NOXRED1: variants seen among roughly 807,000 people sequenced by gnomAD.
NOXRED1 encodes the protein NADP dependent oxidoreductase domain containing 1.
Under a neutral mutation model 30.4 loss-of-function variants are expected in NOXRED1, and 20 were observed. The observed-to-expected ratio is 0.66, with a 90% confidence interval of 0.46 to 0.96. NOXRED1 has a LOEUF of 0.96. NOXRED1 is among the 40% of genes least tolerant of loss of function. NOXRED1 has a pLI of 0.00. For synonymous variants in NOXRED1, 155 were observed against 168.0 expected (o/e 0.92, Z 0.60); for missense variants, 374 against 428.0 (o/e 0.87, Z 1.11).
intron 1 of NOXRED1, among the ~76,000 whole-genome samples, chr14:77,419,842 T>C (rs1894942815): frequency 6.6e-6 from 1 of 152,254 alleles, no homozygotes; most frequent in African/African-American, 2.4e-5. Context: ...CCACCAATAG[T>C]CTTCTGGGAA....
chr14:77,405,998 A>C lies in NOXRED1; in HGVS notation c.820T>G (p.Cys274Gly), dbSNP rs761524907. 2 of 1,613,872 alleles carry C rather than the reference A, an allele frequency of 1.2e-6. No individual in the cohort carries two copies. Among genetic ancestry groups the C allele is most frequent in the East Asian group, 4.5e-5 (2 of 44,888 alleles). Residue 274 changes from cysteine (C) to glycine (G), a missense_variant, in exon 5 of 6, where the codon TGT becomes GGT. Cys to Gly is a radical substitution (Grantham distance 159). Coordinates refer to ENST00000380835, the MANE Select transcript of NOXRED1 (RefSeq NM_001113475.3). ...ELFLSVHFED[C>G]GKDTASCPKL... ...GGGCAAGATGCTGTGTCTTTCCCACAGTCTTCAAAGTGCACGGAGAGAAAG... is the reference window on the plus strand; with the variant it reads ...GGGCAAGATGCTGTGTCTTTCCCACCGTCTTCAAAGTGCACGGAGAGAAAG...
chr14:77,413,883 A>G (rs376177621), intron 2 of NOXRED1, 51 bp downstream of exon 2: 2 of 1,308,408 alleles, frequency 1.5e-6, no homozygotes, highest in African/African-American at 3.0e-5. Context: ...GGCTTTGTTG[A>G]CACCTACACA....
rs908083670 is a variant in NOXRED1, at chr14:77,406,657, T to C, written c.682+67A>G. On this transcript the variant is annotated intron_variant, in intron 4 of 5. Transcript: ENST00000380835. ...CACAGAGAGAGAGAGATTGATTTAA[T>C]AAGATAGCAATGGGCCAACAGGAAA... 9 of 1,371,462 alleles carry C rather than the reference T, an allele frequency of 6.6e-6. No homozygotes were observed. In the African/African-American group the frequency reaches 1.3e-4, roughly 20 times the overall value. 85.0% of individuals were successfully genotyped at this position (1,371,462 alleles called of 1,614,324 possible).
intron 1 of NOXRED1, among the ~76,000 whole-genome samples, chr14:77,417,417 C>T (rs1253642746): frequency 6.6e-6 from 1 of 152,158 alleles, no homozygotes; most frequent in Non-Finnish European, 1.5e-5. Flanking sequence ...TAATTGTATA[C>T]CTTCAGTTAT....
chr14:77,415,649 T>G (rs892052615), intron 1 of NOXRED1, among the ~76,000 whole-genome samples: 1 of 130,292 alleles, frequency 7.7e-6, no homozygotes, highest in Non-Finnish European at 1.7e-5. Context: ...CAGACAGACA[T>G]ATAGATATAG....
chr14:77,418,698 TG>T, intron 1 of NOXRED1, among the ~76,000 whole-genome samples: 1 of 151,450 alleles, frequency 6.6e-6, no homozygotes, highest in East Asian at 2.0e-4. Context: ...CCCAGCTAAT[TG>T]TTTTTTTTTT....
At chr14:77,418,873 G>T (rs1894906348) in intron 1 of NOXRED1, among the ~76,000 whole-genome samples, 1 of 151,922 alleles carries the variant, frequency 6.6e-6, no homozygotes, top group African/African-American at 2.4e-5. Flanking sequence ...AATGATTTAT[G>T]TGCCACCCAT....
chr14:77,407,014 A>G (rs536613712), intron 3 of NOXRED1, 139 bp from the exon 4 acceptor site: 1 of 718,960 alleles, frequency 1.4e-6, no homozygotes, highest in African/African-American at 1.8e-5. Flanking sequence ...GTCTGTGCTG[A>G]GAGCACTAAT....
In NOXRED1 at chr14:77,422,898, C is replaced by T; in HGVS notation, c.-9G>A. 1 of 1,609,168 alleles carries T rather than the reference C, an allele frequency of 6.2e-7. No homozygotes were observed. The highest frequency in any genetic ancestry group is 1.1e-5 in the South Asian group (1 of 90,502). ...TCCTGGAGCATGTCCATTTCCAAGCCACTATTTCCTGCAGTGATAGACACT... is the reference window on the plus strand; with the variant it reads ...TCCTGGAGCATGTCCATTTCCAAGCTACTATTTCCTGCAGTGATAGACACT... On this transcript the variant is annotated 5_prime_UTR_variant, in exon 1 of 6. Coordinates refer to ENST00000380835, the MANE Select transcript of NOXRED1 (RefSeq NM_001113475.3).
At chr14:77,422,113 G>A (rs770798024) in intron 1 of NOXRED1, among the ~76,000 whole-genome samples, 1 of 152,216 alleles carries the variant, frequency 6.6e-6, no homozygotes, top group Non-Finnish European at 1.5e-5. Flanking sequence ...AAGAAGTAGA[G>A]TGAGGAGGTG....
chr14:77,422,897 C>A lies in NOXRED1; in HGVS notation c.-8G>T, dbSNP rs972826520. The A allele has an allele frequency of 1.7e-5, 28 of 1,608,966 alleles. No homozygotes were observed. Among genetic ancestry groups the A allele is most frequent in the Non-Finnish European group, 2.4e-5 (28 of 1,178,038 alleles). On this transcript the variant is annotated 5_prime_UTR_variant, in exon 1 of 6. Coordinates refer to ENST00000380835, the MANE Select transcript of NOXRED1 (RefSeq NM_001113475.3). ...GTCCTGGAGCATGTCCATTTCCAAG[C>A]CACTATTTCCTGCAGTGATAGACAC...
chr14:77,402,963 A>C (rs756752717), intron 5 of NOXRED1, among the ~76,000 whole-genome samples: 2 of 151,512 alleles, frequency 1.3e-5, no homozygotes, highest in Non-Finnish European at 2.9e-5. Context: ...TGAACCCAGG[A>C]GGCAGAGATC....
chr14:77,410,433 T>C (rs1274558794), intron 2 of NOXRED1, among the ~76,000 whole-genome samples: 3 of 151,916 alleles, frequency 2.0e-5, no homozygotes, highest in African/African-American at 7.3e-5. Context: ...GGCAAAACCC[T>C]GTCTCTACTA....
intron 1 of NOXRED1, 124 bp from the exon 2 acceptor site, chr14:77,414,251 G>A (rs988145393): frequency 7.5e-6 from 4 of 536,456 alleles, no homozygotes; most frequent in South Asian, 3.4e-5. Context: ...GGGTGATCTT[G>A]ACTCACCGCA....
intron 5 of NOXRED1, among the ~76,000 whole-genome samples, chr14:77,396,495 T>C: frequency 6.6e-6 from 1 of 152,128 alleles, no homozygotes; most frequent in East Asian, 1.9e-4. Context: ...GTGATTCACC[T>C]GCCTCGGCCT....
intron 2 of NOXRED1, 68 bp from the exon 3 acceptor site, chr14:77,407,713 G>GGA: frequency 9.6e-7 from 1 of 1,041,378 alleles, no homozygotes; most frequent in African/African-American, 1.6e-5. Context: ...TCAACTATGG[G>GGA]GAGAGGGTGA....
intron 5 of NOXRED1, among the ~76,000 whole-genome samples, chr14:77,401,793 C>G (rs1594869885): frequency 6.6e-6 from 1 of 152,264 alleles, no homozygotes; most frequent in East Asian, 1.9e-4. Flanking sequence ...TTCAAGACAT[C>G]CTTTAAAGCT....
intron 5 of NOXRED1, among the ~76,000 whole-genome samples, chr14:77,396,807 C>T (rs1894199775): frequency 6.6e-6 from 1 of 152,094 alleles, no homozygotes; most frequent in Non-Finnish European, 1.5e-5. Context: ...GAGAAACATA[C>T]TATATTAATG....
chr14:77,401,132 T>C (rs888434180), intron 5 of NOXRED1, among the ~76,000 whole-genome samples: 1 of 152,158 alleles, frequency 6.6e-6, no homozygotes, highest in Non-Finnish European at 1.5e-5. Context: ...CCCAGCACTT[T>C]GGGAGGCCGA....
Sources: gnomAD v4.1 joint callset for allele counts (sites outside exome capture counted in the v4.1 genomes callset) on GRCh38, gnomAD v4.1.1 for gene constraint, MANE v1.5 for transcripts, NCBI Gene and HGNC (gene_info 2026-07-23, HGNC 2026-07-21) for gene names.